The following ZFAT variants were observed in gnomAD, a reference collection of about 807,000 sequenced individuals.
The protein encoded by ZFAT is zinc finger protein ZFAT.
In ZFAT, 64 loss-of-function variants were observed where a neutral mutation model predicts 117.7. The ratio of observed to expected loss-of-function variants is 0.54; its 90% CI spans 0.44 to 0.67. The LOEUF (loss-of-function observed/expected upper bound fraction) is 0.67. Among genes scored for constraint, ZFAT ranks in the 30% least tolerant of loss-of-function variants. The probability of loss-of-function intolerance (pLI) is 0.00; values close to 1 mark genes in which losing one functional copy is unlikely to be tolerated. For synonymous variants in ZFAT, 679 were observed against 615.0 expected (o/e 1.10, Z -1.54); for missense variants, 1,433 against 1,584.5 (o/e 0.90, Z 1.62).
At chr8:134,754,661 G>A in the ZFAT span, among the ~76,000 whole-genome samples, 1 of 152,218 alleles carries the variant, frequency 6.6e-6, no homozygotes, top group South Asian at 2.1e-4. Context: ...GTCCTCTGTG[G>A]CTGTCCACCC....
chr8:134,563,684 C>T (rs527612760), intron 11 of ZFAT, among the ~76,000 whole-genome samples: 60 of 152,264 alleles, frequency 3.9e-4, no homozygotes, highest in South Asian at 3.1e-3. Flanking sequence ...ATTTCAAAGA[C>T]GGAAGATAAT....
At position 134,602,068 on chromosome 8, in the gene ZFAT, C is replaced by T. The variant is rs771346729; in HGVS notation, c.1651G>A (p.Ala551Thr). The T allele has an allele frequency of 2.4e-5, 39 of 1,611,338 alleles. No homozygotes were observed. The Admixed American group carries it at 6.5e-4, about 27-fold the overall frequency. The change falls in exon 6 of 16, where the codon GCC becomes ACC. Residue 551 changes from alanine to threonine, a missense_variant. By Grantham distance (58) the Ala-to-Thr change is moderately conservative (BLOSUM62 0). Coordinates refer to ENST00000377838, the MANE Select transcript of ZFAT (RefSeq NM_020863.4). ...QLEEGRKEPE[A>T]PGEMPAPAVH... Reference sequence around the variant, plus strand: ...GCTGGGGCAGGCATTTCCCCAGGGGCCTCCGGCTCCTTCCGGCCCTCCTCC... The same window carrying T: ...GCTGGGGCAGGCATTTCCCCAGGGGTCTCCGGCTCCTTCCGGCCCTCCTCC...
rs1477074033 is a variant in ZFAT at position 134,584,144 on chromosome 8, G to C, written c.2714-139C>G. 8.1e-6 allele frequency: 8 copies of C among 989,884 alleles called. No homozygotes were observed. In the Middle Eastern group the frequency reaches 9.8e-4, roughly 122 times the overall value. 61.3% of individuals were successfully genotyped at this position (989,884 alleles called of 1,614,324 possible). The stretch of plus-strand genomic sequence containing the variant: ...TAAAACATCCGTTTTGAACACAGCA[G>C]TATACTTGCTTGGCCCTAACACACC... On this transcript the variant is annotated intron_variant, in intron 9 of 15. Coordinates refer to ENST00000377838, the MANE Select transcript of ZFAT (RefSeq NM_020863.4).
chr8:134,749,487 T>A, the ZFAT span, among the ~76,000 whole-genome samples: 1 of 152,144 alleles, frequency 6.6e-6, no homozygotes, highest in Non-Finnish European at 1.5e-5. Context: ...CAAGCCTCAT[T>A]TATAAGGGCA....
chr8:134,722,053 G>T, the ZFAT span, among the ~76,000 whole-genome samples: 1 of 152,260 alleles, frequency 6.6e-6, no homozygotes, highest in Admixed American at 6.5e-5. Context: ...AAGAGGCACA[G>T]GTGAGGCCAC....
At chr8:134,538,795 A>AC (rs1417095451) in intron 11 of ZFAT, among the ~76,000 whole-genome samples, 9 of 96,934 alleles carry the variant, frequency 9.3e-5, no homozygotes, top group African/African-American at 4.4e-4. Context: ...AGACCCTGTC[A>AC]CAAAAAAAAA....
chr8:134,612,473 T>A (rs1437473364), intron 3 of ZFAT, among the ~76,000 whole-genome samples: 5 of 152,168 alleles, frequency 3.3e-5, no homozygotes, highest in African/African-American at 1.2e-4. Flanking sequence ...TATTCTTTCT[T>A]AGGGAGGCAG....
intron 11 of ZFAT, among the ~76,000 whole-genome samples, chr8:134,538,767 A>T (rs1822027706): frequency 6.7e-6 from 1 of 148,428 alleles, no homozygotes; most frequent in Admixed American, 6.9e-5. Flanking sequence ...ACTGCATTCC[A>T]GCCTGGGTGA....
At chr8:134,721,037 A>G in the ZFAT span, among the ~76,000 whole-genome samples, 2 of 152,206 alleles carry the variant, frequency 1.3e-5, no homozygotes, top group Non-Finnish European at 2.9e-5. Flanking sequence ...GCCTGGAAAC[A>G]TGAGCTCATC....
At chr8:134,753,608 A>G in the ZFAT span, among the ~76,000 whole-genome samples, 3 of 152,248 alleles carry the variant, frequency 2.0e-5, no homozygotes, top group African/African-American at 7.2e-5. Context: ...CTCATAGTGG[A>G]ATAGTTAAGT....
the ZFAT span, among the ~76,000 whole-genome samples, chr8:134,759,986 A>AAAC: frequency 1.3e-5 from 2 of 149,360 alleles, no homozygotes; most frequent in East Asian, 3.9e-4. Context: ...AAAAAAAAAA[A>AAAC]AAAACAAACA....
chr8:134,649,424 C>T (rs942970154), intron 2 of ZFAT, among the ~76,000 whole-genome samples: 1 of 152,084 alleles, frequency 6.6e-6, no homozygotes, highest in African/African-American at 2.4e-5. Flanking sequence ...GAGGAATACA[C>T]TAGAAAACTA....
At chr8:134,514,837 T>C (rs1214172459) in intron 13 of ZFAT, among the ~76,000 whole-genome samples, 1 of 152,206 alleles carries the variant, frequency 6.6e-6, no homozygotes, top group East Asian at 1.9e-4. Flanking sequence ...TACTCTAAGT[T>C]CTGGGGTACA....
chr8:134,697,195 A>G (rs1426841290), intron 1 of ZFAT, among the ~76,000 whole-genome samples: 2 of 151,692 alleles, frequency 1.3e-5, no homozygotes, highest in Admixed American at 1.3e-4. Flanking sequence ...GCTTACTGCA[A>G]CCTCCGCCTC....
chr8:134,493,419 T>C (rs1818198512), intron 15 of ZFAT, among the ~76,000 whole-genome samples: 1 of 152,164 alleles, frequency 6.6e-6, no homozygotes, highest in Non-Finnish European at 1.5e-5. Context: ...AAGAAGAGGA[T>C]GAAAAGGTTT....
chr8:134,610,841 G>A (rs1828281049), intron 3 of ZFAT, among the ~76,000 whole-genome samples, 186 bp from the exon 4 acceptor site: 1 of 152,038 alleles, frequency 6.6e-6, no homozygotes. Context: ...TTCAGTACAT[G>A]TTCACTGCTC....
intron 2 of ZFAT, among the ~76,000 whole-genome samples, chr8:134,643,791 G>A (rs1478365029): frequency 1.3e-5 from 2 of 152,164 alleles, no homozygotes; most frequent in Non-Finnish European, 2.9e-5. Flanking sequence ...GAATGGGGGC[G>A]CCTTTTGTAA....
At chr8:134,486,251 A>G (rs985774149) in intron 15 of ZFAT, among the ~76,000 whole-genome samples, 2 of 151,828 alleles carry the variant, frequency 1.3e-5, no homozygotes, top group African/African-American at 4.8e-5. Context: ...GCCCTCCCGC[A>G]AGCCTGTGCC....
At chr8:134,570,239 C>T (rs1329359151) in intron 10 of ZFAT, among the ~76,000 whole-genome samples, 1 of 152,200 alleles carries the variant, frequency 6.6e-6, no homozygotes, top group East Asian at 1.9e-4. Flanking sequence ...CCTTTCAGAC[C>T]ATTCTGTTTA....
Sources: allele counts gnomAD v4.1 joint callset (sites outside exome capture counted in the v4.1 genomes callset), GRCh38; gene constraint gnomAD v4.1.1; transcripts MANE v1.5; gene names NCBI Gene and HGNC (gene_info 2026-07-23, HGNC 2026-07-21).